KDM4C: variants seen among roughly 807,000 people sequenced by gnomAD.
KDM4C encodes lysine demethylase 4C, also known as lysine-specific demethylase 4C.
In KDM4C, 81 loss-of-function variants were observed where a neutral mutation model predicts 129.3. That is an observed-to-expected ratio of 0.63 (90% CI 0.52 to 0.75). The LOEUF (loss-of-function observed/expected upper bound fraction) is 0.75, where lower values mean the gene tolerates loss of function less well. KDM4C is among the 30% of genes least tolerant of loss of function. The pLI, the probability that KDM4C is intolerant of heterozygous loss-of-function variation, is 0.00. For synonymous variants in KDM4C, 573 were observed against 456.1 expected (o/e 1.26, Z -3.26); for missense variants, 1,457 against 1,304.0 (o/e 1.12, Z -1.81).
chr9:6,770,561 C>A (rs1256040765), intron 1 of KDM4C, among the ~76,000 whole-genome samples: 5 of 151,102 alleles, frequency 3.3e-5, no homozygotes, highest in Admixed American at 1.3e-4. Context: ...ACATCACATT[C>A]ATTTCCCTCA....
At position 7,174,969 on chromosome 9, in the gene KDM4C, G is replaced by T; in HGVS notation, c.*240G>T. The T allele has an allele frequency of 2.6e-6, 1 of 386,770 alleles. No homozygotes were observed. Among genetic ancestry groups the T allele is most frequent in the Non-Finnish European group, 4.7e-6 (1 of 211,076 alleles). 24.0% of individuals were successfully genotyped at this position (386,770 alleles called of 1,614,324 possible). On this transcript the variant is annotated 3_prime_UTR_variant, in exon 22 of 22. Coordinates refer to ENST00000381309, the MANE Select transcript of KDM4C (RefSeq NM_015061.6). ...TCACTTGTGAGCAGTTGTCTTCTAT[G>T]ATCCCAAAGAAGTTTTCTAAGTGAA...
chr9:6,966,216 T>C (rs1830936572), intron 8 of KDM4C, among the ~76,000 whole-genome samples: 1 of 152,094 alleles, frequency 6.6e-6, no homozygotes, highest in Admixed American at 6.5e-5. Context: ...GGAGTCTCGC[T>C]CTGTCTCCCA....
At chr9:6,772,162 T>A (rs1332999168) in intron 1 of KDM4C, among the ~76,000 whole-genome samples, 2 of 152,178 alleles carry the variant, frequency 1.3e-5, no homozygotes, top group African/African-American at 4.8e-5. Context: ...TTTTTCTTTT[T>A]TTTTTGAGAC....
At chr9:6,783,766 C>T (rs927873455) in intron 1 of KDM4C, among the ~76,000 whole-genome samples, 4 of 152,152 alleles carry the variant, frequency 2.6e-5, no homozygotes, top group Non-Finnish European at 4.4e-5. Context: ...CTAAAAACAA[C>T]ATATTGATTG....
intron 8 of KDM4C, among the ~76,000 whole-genome samples, chr9:6,928,879 G>C (rs1442806362): frequency 6.6e-6 from 1 of 152,160 alleles, no homozygotes; most frequent in Non-Finnish European, 1.5e-5. Flanking sequence ...GGGAATCCCA[G>C]CTGCCGGCTG....
intron 15 of KDM4C, among the ~76,000 whole-genome samples, chr9:7,040,808 A>T (rs530551296): frequency 6.6e-6 from 1 of 150,858 alleles, no homozygotes; most frequent in South Asian, 2.1e-4. Flanking sequence ...TGATTTTAAG[A>T]TATGTTCTTT....
At position 7,174,584 on chromosome 9, in the gene KDM4C, C is replaced by T. The variant is rs760643162; in HGVS notation, c.3026C>T (p.Thr1009Met). 3.1e-6 allele frequency: 5 copies of T among 1,614,024 alleles called. No individual in the cohort carries two copies. The highest frequency in any genetic ancestry group is 4.2e-6 in the Non-Finnish European group (5 of 1,179,990). ...STASDMRFED[T>M]FYGADIIQGE... ...GCCTCTGACATGCGATTTGAAGACA[C>T]GTTTTATGGAGCAGACATTATCCAA... Residue 1009 changes from threonine to methionine, a missense_variant, in exon 22 of 22, where the codon ACG becomes ATG. By Grantham distance (81) the Thr-to-Met change is moderately conservative. Transcript: ENST00000381309.
chr9:6,850,243 T>C (rs1291547164), intron 5 of KDM4C, among the ~76,000 whole-genome samples: 3 of 152,214 alleles, frequency 2.0e-5, no homozygotes, highest in African/African-American at 7.2e-5. Context: ...TGCATGACTG[T>C]ATATGTAAAG....
chr9:7,076,554 G>A, intron 17 of KDM4C: 1 of 1,527,094 alleles, frequency 6.5e-7, no homozygotes, highest in Non-Finnish European at 8.8e-7. Context: ...TTCAGATGCT[G>A]TTTCTCATTC....
intron 8 of KDM4C, among the ~76,000 whole-genome samples, chr9:6,959,027 C>G (rs1287329719): frequency 6.6e-6 from 1 of 152,102 alleles, no homozygotes; most frequent in East Asian, 1.9e-4. Context: ...CCTTTTATGC[C>G]TCCTTTTTAA....
At chr9:6,956,583 A>G in intron 8 of KDM4C, among the ~76,000 whole-genome samples, 1 of 152,194 alleles carries the variant, frequency 6.6e-6, no homozygotes, top group East Asian at 1.9e-4. Flanking sequence ...GGACACAGCC[A>G]TGCTCATTTG....
chr9:7,011,282 A>C (rs1822643013), intron 12 of KDM4C, among the ~76,000 whole-genome samples: 1 of 152,230 alleles, frequency 6.6e-6, no homozygotes, highest in African/African-American at 2.4e-5. Flanking sequence ...TAGATGAAGA[A>C]AGTAAAAATA....
intron 6 of KDM4C, among the ~76,000 whole-genome samples, chr9:6,887,412 A>G (rs1418574316): frequency 2.0e-5 from 3 of 152,230 alleles, no homozygotes; most frequent in Non-Finnish European, 4.4e-5. Flanking sequence ...GTTCTCAGAC[A>G]GTTGATGGGT....
At chr9:6,749,272 G>A (rs1377323685) in intron 1 of KDM4C, among the ~76,000 whole-genome samples, 3 of 152,148 alleles carry the variant, frequency 2.0e-5, no homozygotes, top group African/African-American at 7.2e-5. Context: ...ACTCACCTCA[G>A]CCTCCCAAAG....
At chr9:6,875,788 A>G (rs1205299588) in intron 5 of KDM4C, among the ~76,000 whole-genome samples, 2 of 152,236 alleles carry the variant, frequency 1.3e-5, no homozygotes, top group Non-Finnish European at 2.9e-5. Flanking sequence ...CGCTACTTAC[A>G]TGGAAAATGC....
At chr9:7,156,527 A>G (rs556576045) in intron 19 of KDM4C, among the ~76,000 whole-genome samples, 2 of 152,234 alleles carry the variant, frequency 1.3e-5, no homozygotes, top group African/African-American at 2.4e-5. Context: ...GTTAATTTTT[A>G]TATAAGGTGT....
chr9:6,905,307 C>G (rs1212128541), intron 8 of KDM4C, among the ~76,000 whole-genome samples: 3 of 152,028 alleles, frequency 2.0e-5, no homozygotes, highest in Non-Finnish European at 4.4e-5. Context: ...ACTTCTAAAC[C>G]CTGATTAGCC....
At chr9:6,722,928 A>C (rs1471009342) in intron 1 of KDM4C, among the ~76,000 whole-genome samples, 1 of 151,998 alleles carries the variant, frequency 6.6e-6, no homozygotes, top group Non-Finnish European at 1.5e-5. Context: ...GGTTGCAGTG[A>C]GTCGAAATCG....
At position 6,990,481 on chromosome 9, in the gene KDM4C, A is replaced by G; in HGVS notation, c.1743A>G (p.Arg581=). 1.9e-6 allele frequency: 3 copies of G among 1,613,634 alleles called. No homozygotes were observed. Among genetic ancestry groups the G allele is most frequent in the Non-Finnish European group, 2.5e-6 (3 of 1,179,902 alleles). The change falls in exon 12 of 22, where the codon AGA becomes AGG. Residue 581 remains arginine (R), a synonymous_variant. Transcript: ENST00000381309. The part of the protein sequence containing the change: ...WRHPLSRPPA[R]SPMTLVKQQA... ...ATCCACTTAGCAGGCCTCCAGCAAGATCTCCGATGACTCTTGTGAAGCAGC... is the reference window on the plus strand; with the variant it reads ...ATCCACTTAGCAGGCCTCCAGCAAGGTCTCCGATGACTCTTGTGAAGCAGC...
Sources: allele counts gnomAD v4.1 joint callset (sites outside exome capture counted in the v4.1 genomes callset), GRCh38; gene constraint gnomAD v4.1.1; transcripts MANE v1.5; gene names NCBI Gene and HGNC (gene_info 2026-07-23, HGNC 2026-07-21).